PARVB: variants seen among roughly 807,000 people sequenced by gnomAD.
The protein encoded by PARVB is beta-parvin.
Under a neutral mutation model 47.0 loss-of-function variants are expected in PARVB, and 46 were observed. The ratio of observed to expected loss-of-function variants is 0.98; its 90% CI spans 0.77 to 1.25. The LOEUF (loss-of-function observed/expected upper bound fraction) is 1.25. Among genes scored for constraint, PARVB ranks in the 50% most tolerant of loss-of-function variants. PARVB has a pLI of 0.00. For synonymous variants in PARVB, 196 were observed against 196.3 expected, an observed-to-expected ratio of 1.00 and a Z score of 0.01; for missense variants, 473 against 471.6, an observed-to-expected ratio of 1.00 and a Z score of -0.03.
rs1221260565 is a variant in PARVB at position 44,171,331 on chromosome 22, A to C, written c.*2653A>C. On this transcript the variant is annotated 3_prime_UTR_variant, in exon 13 of 13. Coordinates refer to ENST00000338758, the MANE Select transcript of PARVB (RefSeq NM_013327.5). Reference sequence around the variant, plus strand: ...GCCAACATGGTGAAACCCCATGTCTACTAAAAATACAAAAATTAGCCATGC... The same window carrying C: ...GCCAACATGGTGAAACCCCATGTCTCCTAAAAATACAAAAATTAGCCATGC... The C allele has an allele frequency of 1.3e-5, 2 of 152,162 alleles. No homozygotes were observed. Among genetic ancestry groups the C allele is most frequent in the Non-Finnish European group, 2.9e-5 (2 of 68,038 alleles). 9.4% of individuals were successfully genotyped at this position (152,162 alleles called of 1,614,324 possible).
chr22:44,165,218 G>A (rs1240180193), intron 12 of PARVB, among the ~76,000 whole-genome samples: 5 of 152,130 alleles, frequency 3.3e-5, no homozygotes, highest in African/African-American at 7.2e-5. Context: ...GACTGGTCTC[G>A]AACTTCTGGG....
At chr22:44,012,612 A>G (rs1219978813) in intron 2 of PARVB, among the ~76,000 whole-genome samples, 2 of 152,194 alleles carry the variant, frequency 1.3e-5, no homozygotes, top group African/African-American at 2.4e-5. Context: ...CCTCAAAAGT[A>G]TAACCTGGGG....
In PARVB at chr22:44,131,614, G is replaced by C; in HGVS notation, c.504G>C (p.Arg168=). Residue 168 remains arginine (R), a synonymous_variant, in exon 5 of 13, where the codon CGG becomes CGC. Coordinates refer to ENST00000338758, the MANE Select transcript of PARVB (RefSeq NM_013327.5). The part of the protein sequence containing the change: ...DLLRPRGWAL[R]WSVDSIHGKN... ...TGCGGCCCCGAGGCTGGGCGCTCCG[G>C]TGGAGCGTGGACTGTGAGTTCCACG... The C allele has an allele frequency of 6.2e-7, 1 of 1,613,418 alleles. No homozygotes were observed. The highest frequency in any genetic ancestry group is 8.5e-7 in the Non-Finnish European group (1 of 1,179,744).
In PARVB at chr22:44,169,358, C is replaced by T. The variant is rs2054242280; in HGVS notation, c.*680C>T. On this transcript the variant is annotated 3_prime_UTR_variant, in exon 13 of 13. Coordinates refer to ENST00000338758, the MANE Select transcript of PARVB (RefSeq NM_013327.5). Reference sequence around the variant, plus strand: ...TCAGGATGGCCCAGCTCCCACAGTCCTTGAAAGGAGCTGTCTGCTGGGGAC... The same window carrying T: ...TCAGGATGGCCCAGCTCCCACAGTCTTTGAAAGGAGCTGTCTGCTGGGGAC... 1 of 150,246 alleles carries T rather than the reference C, an allele frequency of 6.7e-6. No individual in the cohort carries two copies. The highest frequency in any genetic ancestry group is 1.5e-5 in the Non-Finnish European group (1 of 68,058). The allele number at this position is 150,246 out of a possible 1,614,324, so 9.3% of individuals were successfully genotyped here.
chr22:44,132,251 A>G (rs1032516314), intron 5 of PARVB, among the ~76,000 whole-genome samples: 4 of 152,006 alleles, frequency 2.6e-5, no homozygotes, highest in African/African-American at 4.8e-5. Flanking sequence ...CTGGCCTTGC[A>G]CCCGGTTTCT....
chr22:44,069,094 C>T (rs571489747), intron 1 of PARVB: 30 of 1,610,576 alleles, frequency 1.9e-5, no homozygotes, highest in East Asian at 6.7e-5. Context: ...GGTGTGTGCC[C>T]GCCTGCCCTC....
chr22:44,001,169 G>C (rs1428917818), intron 2 of PARVB, among the ~76,000 whole-genome samples: 1 of 152,188 alleles, frequency 6.6e-6, no homozygotes, highest in Non-Finnish European at 1.5e-5. Context: ...AGAATGGCGT[G>C]AACCCGGGAG....
intron 1 of PARVB, among the ~76,000 whole-genome samples, chr22:44,041,045 TC>T (rs930748336): frequency 2.0e-5 from 3 of 151,510 alleles, no homozygotes; most frequent in African/African-American, 7.3e-5. Context: ...TCGTATGAAG[TC>T]CCACAGTTTG....
intron 11 of PARVB, among the ~76,000 whole-genome samples, chr22:44,162,099 G>T (rs2147180009): frequency 6.6e-6 from 1 of 152,334 alleles, no homozygotes; most frequent in Non-Finnish European, 1.5e-5. Context: ...GGTGCTGGCA[G>T]GTCATTCGCC....
intron 4 of PARVB, among the ~76,000 whole-genome samples, chr22:44,128,272 C>T (rs2053233759): frequency 6.6e-6 from 1 of 152,230 alleles, no homozygotes; most frequent in South Asian, 2.1e-4. Context: ...CGGGCACACC[C>T]TCTCCTTGTG....
intron 2 of PARVB, among the ~76,000 whole-genome samples, chr22:44,005,675 T>C (rs557058020): frequency 5.3e-5 from 8 of 152,142 alleles, no homozygotes; most frequent in African/African-American, 1.9e-4. Context: ...TACTCAACCC[T>C]CCCACCTTTC....
At chr22:44,046,919 G>A (rs1001967717) in intron 1 of PARVB, among the ~76,000 whole-genome samples, 1 of 152,156 alleles carries the variant, frequency 6.6e-6, no homozygotes, top group East Asian at 1.9e-4. Flanking sequence ...AGGATTTAGC[G>A]GGGGCGTGCA....
chr22:44,086,812 C>T (rs558590204), intron 1 of PARVB: 1 of 985,462 alleles, frequency 1.0e-6, no homozygotes, highest in South Asian at 4.7e-5. Flanking sequence ...AGAAACCACA[C>T]CCCTCTGAGT....
At chr22:44,165,273 C>G (rs2054142342) in intron 12 of PARVB, among the ~76,000 whole-genome samples, 1 of 152,168 alleles carries the variant, frequency 6.6e-6, no homozygotes, top group Admixed American at 6.5e-5. Context: ...CATGCCTGGC[C>G]TTGTTTATTT....
At chr22:44,154,499 G>GT (rs2053875711) in intron 10 of PARVB, among the ~76,000 whole-genome samples, 1 of 149,004 alleles carries the variant, frequency 6.7e-6, no homozygotes, top group African/African-American at 2.5e-5. Context: ...GTCTGTTGGG[G>GT]GTGTGTGTGT....
chr22:44,023,433 C>A (rs1413482114), upstream of PARVB, among the ~76,000 whole-genome samples: 1 of 152,000 alleles, frequency 6.6e-6, no homozygotes, highest in Non-Finnish European at 1.5e-5. Context: ...ATCGCTTTAA[C>A]TCAGGAGGTG....
At chr22:44,164,029 G>C in intron 12 of PARVB, 99 bp downstream of exon 12, 1 of 848,454 alleles carries the variant, frequency 1.2e-6, no homozygotes, top group African/African-American at 1.7e-5. Flanking sequence ...TTGTTCCCCA[G>C]ATGGGCCCCA....
chr22:44,111,087 C>G (rs1182965199), intron 3 of PARVB: 1 of 150,768 alleles, frequency 6.6e-6, no homozygotes, highest in African/African-American at 2.5e-5. Context: ...TATGTCCCTT[C>G]AGGCTTCTCT....
chr22:44,125,208 TCA>T lies in PARVB; in HGVS notation c.376+6073_376+6074del, dbSNP rs2053161138. Among the ~76,000 whole-genome samples, 1 of 152,138 alleles carries T rather than the reference TCA, an allele frequency of 6.6e-6. No individual in the cohort carries two copies. The highest frequency in any genetic ancestry group is 6.5e-5 in the Admixed American group (1 of 15,278). On this transcript the variant is annotated intron_variant, in intron 4 of 12. Coordinates refer to ENST00000338758, the MANE Select transcript of PARVB (RefSeq NM_013327.5). The surrounding 1 kb of genome is among the most constrained non-coding windows in gnomAD (Gnocchi z 4.1). ...GGAAACATGTCTGTGTTTGTTTTGG[TCA>T]CACATTCATTCATTCATCTGATGAA...
Sources: allele counts gnomAD v4.1 joint callset (sites outside exome capture counted in the v4.1 genomes callset), GRCh38; gene constraint gnomAD v4.1.1; non-coding constraint Gnocchi (gnomAD v3.1); transcripts MANE v1.5; gene names NCBI Gene and HGNC (gene_info 2026-07-23, HGNC 2026-07-21).